Variants in EVI5L observed in about 807,000 individuals in gnomAD.
EVI5L encodes the protein EVI5-like protein.
A neutral mutation model predicts 106.1 loss-of-function variants in EVI5L; 30 were observed. The ratio of observed to expected loss-of-function variants is 0.28; its 90% confidence interval spans 0.21 to 0.38. The LOEUF (loss-of-function observed/expected upper bound fraction) is 0.38, where lower values mean the gene tolerates loss of function less well. Ranked by LOEUF, EVI5L falls within the 10% of genes least tolerant of loss-of-function variation. EVI5L has a pLI of 1.00. For missense variants in EVI5L, 809 were observed against 1,098.0 expected (o/e 0.74, Z 3.72); for synonymous variants, 489 against 483.3 (o/e 1.01, Z -0.15).
At chr19:7,846,755 C>A in intron 2 of EVI5L, 76 bp downstream of exon 2, 1 of 1,539,858 alleles carries the variant, frequency 6.5e-7, no homozygotes. Flanking sequence ...CAGGTGCCCT[C>A]ACATTCAGAG....
intron 8 of EVI5L, among the ~76,000 whole-genome samples, 183 bp downstream of exon 8, chr19:7,851,953 CT>C (rs987822648): frequency 6.6e-6 from 1 of 152,118 alleles, no homozygotes; most frequent in African/African-American, 2.4e-5. Context: ...AGAGGACCCC[CT>C]AGGCTCTGCC....
rs1979179491 is a variant in EVI5L at position 7,850,323 on chromosome 19, GC to G, written c.753+204del. On this transcript the variant is annotated intron_variant, in intron 6 of 19. Transcript: ENST00000538904. This position sits in a 1 kb window ranked among gnomAD's most constrained non-coding sequence, Gnocchi z 5.4. ...GGCACTCCTCTTTCCATGCAGCACT[GC>G]CCTGAAGGATGCTTGGAGGAACAGG... is the stretch of plus-strand genomic sequence containing the variant. Among the ~76,000 whole-genome samples, 2 of 152,176 alleles carry G rather than the reference GC, an allele frequency of 1.3e-5. 1 individual carries two copies. Among genetic ancestry groups the G allele is most frequent in the South Asian group, 4.1e-4 (2 of 4,834 alleles).
intron 14 of EVI5L, among the ~76,000 whole-genome samples, chr19:7,861,156 C>T (rs1178191011): frequency 1.3e-5 from 2 of 152,156 alleles, no homozygotes; most frequent in Non-Finnish European, 2.9e-5. Flanking sequence ...ACCCAGGGAC[C>T]CATTCACACA....
intron 1 of EVI5L, among the ~76,000 whole-genome samples, chr19:7,843,833 G>T (rs117476599): frequency 2.0e-5 from 3 of 152,026 alleles, no homozygotes; most frequent in Non-Finnish European, 4.4e-5. Context: ...TGTGTTGTGC[G>T]TGCACACACG....
intron 1 of EVI5L, among the ~76,000 whole-genome samples, chr19:7,842,932 T>C (rs1018177735): frequency 2.0e-5 from 3 of 148,512 alleles, no homozygotes; most frequent in African/African-American, 7.5e-5. Flanking sequence ...AGGTACCGGG[T>C]GTGCGTGTAT....
chr19:7,838,738 T>G (rs1978459275), intron 1 of EVI5L, among the ~76,000 whole-genome samples: 1 of 151,842 alleles, frequency 6.6e-6, no homozygotes, highest in East Asian at 1.9e-4. Flanking sequence ...GAATGTGCAT[T>G]GGGCTTGGGT....
chr19:7,839,654 T>C (rs1599561006), intron 1 of EVI5L, among the ~76,000 whole-genome samples: 1 of 151,876 alleles, frequency 6.6e-6, no homozygotes, highest in African/African-American at 2.4e-5. Flanking sequence ...TGGGGCACGG[T>C]GGCTCACACC....
rs1330983491 is a variant in EVI5L, at chr19:7,847,918, C to T, written c.324C>T (p.Leu108=). The T allele has an allele frequency of 1.3e-6, 2 of 1,546,460 alleles. No homozygotes were observed. Among genetic ancestry groups the T allele is most frequent in the Non-Finnish European group, 1.7e-6 (2 of 1,143,502 alleles). The change falls in exon 3 of 20, where the codon CTC becomes CTT. Residue 108 remains leucine, a synonymous_variant. Transcript: ENST00000538904. ...GGCGGCGCAGGAAGGAGAAGCTGCTCAAGGTGGGGGGCGGCCAGGCAGGCA... is the reference window on the plus strand; with the variant it reads ...GGCGGCGCAGGAAGGAGAAGCTGCTTAAGGTGGGGGGCGGCCAGGCAGGCA... ...EEWRRRKEKL[L]KELIRKGIPH...
chr19:7,846,796 C>T (rs1406939576), intron 2 of EVI5L, 117 bp downstream of exon 2: 6 of 1,345,738 alleles, frequency 4.5e-6, no homozygotes, highest in African/African-American at 2.9e-5. Flanking sequence ...GTGACAGCCA[C>T]CTCCAGATGC....
chr19:7,849,714 A>T lies in EVI5L; in HGVS notation c.628-283A>T, dbSNP rs577242717. ...CAGGGAGAGAGGACGCAGCTGGGAC[A>T]GGAGGTATCCTAACCAGGGGGATGC... On this transcript the variant is annotated intron_variant, in intron 5 of 19. Transcript: ENST00000538904. Among the ~76,000 whole-genome samples, 41 of 152,276 alleles carry T rather than the reference A, an allele frequency of 2.7e-4. No homozygotes were observed. The East Asian group carries it at 6.8e-3, about 25-fold the overall frequency.
intron 1 of EVI5L, among the ~76,000 whole-genome samples, chr19:7,840,936 C>T (rs1978572367): frequency 6.6e-6 from 1 of 152,124 alleles, no homozygotes; most frequent in Non-Finnish European, 1.5e-5. Flanking sequence ...CAGATGTTTG[C>T]CGTTCTCTTG....
chr19:7,849,358 C>T (rs1599569955), intron 5 of EVI5L, 28 bp downstream of exon 5: 1 of 1,612,768 alleles, frequency 6.2e-7, no homozygotes, highest in East Asian at 2.2e-5. Context: ...GGCTGGGCTC[C>T]TGCCAGACAA....
At chr19:7,851,622 G>A (rs1256559696) in intron 7 of EVI5L, 45 bp downstream of exon 7, 1 of 1,599,726 alleles carries the variant, frequency 6.3e-7, no homozygotes, top group Non-Finnish European at 8.5e-7. Context: ...CCCCTTGGGG[G>A]TGGTTGGAAC....
At chr19:7,830,551 C>T (rs1978290150) in intron 1 of EVI5L, among the ~76,000 whole-genome samples, 170 bp downstream of exon 1, 1 of 151,780 alleles carries the variant, frequency 6.6e-6, no homozygotes, top group East Asian at 2.0e-4. Context: ...GGCCCCTGCC[C>T]ACCCTCGTTG....
chr19:7,841,874 G>A (rs1424059853), intron 1 of EVI5L, among the ~76,000 whole-genome samples: 1 of 152,188 alleles, frequency 6.6e-6, no homozygotes, highest in Non-Finnish European at 1.5e-5. Context: ...GAGTGATTGA[G>A]CCAGTGAGGG....
intron 1 of EVI5L, among the ~76,000 whole-genome samples, chr19:7,844,757 C>T (rs376923885): frequency 3.9e-5 from 6 of 152,312 alleles, no homozygotes; most frequent in African/African-American, 1.4e-4. Flanking sequence ...AATCCAAAAC[C>T]CTCAGCACCC....
In EVI5L at chr19:7,835,714, C is replaced by T. The variant is rs777953853; in HGVS notation, c.-48+5333C>T. 2.8e-4 allele frequency among the ~76,000 whole-genome samples: 43 copies of T among 152,248 alleles called. No homozygotes were observed. Among genetic ancestry groups the T allele is most frequent in the South Asian group, 6.2e-4 (3 of 4,822 alleles). On this transcript the variant is annotated intron_variant, in intron 1 of 19. Transcript: ENST00000538904. This position sits in a 1 kb window ranked among gnomAD's most constrained non-coding sequence, Gnocchi z 4.1. Reference sequence around the variant, plus strand: ...CAGGCAGGGACCTCTGAATTCAAGCCGCTGTTCTTGTTATCCAAGGGGCAG... The same window carrying T: ...CAGGCAGGGACCTCTGAATTCAAGCTGCTGTTCTTGTTATCCAAGGGGCAG...
chr19:7,859,771 C>T (rs1979713621), intron 13 of EVI5L, among the ~76,000 whole-genome samples: 1 of 152,268 alleles, frequency 6.6e-6, no homozygotes, highest in Admixed American at 6.5e-5. Flanking sequence ...AGGCCACCTC[C>T]TCAGGCCCAA....
In EVI5L at chr19:7,862,324, G is replaced by C. The variant is rs1358445966; in HGVS notation, c.1800+47G>C. On this transcript the variant is annotated intron_variant, in intron 16 of 19. Coordinates refer to ENST00000538904, the MANE Select transcript of EVI5L (RefSeq NM_001159944.3). ...GTTGGGGAAGGGGCGTGGTGTCCGT[G>C]GCCAGCCCCTGAGTTAGGCCCTGAC... 5.7e-6 allele frequency: 9 copies of C among 1,583,000 alleles called. No homozygotes were observed. In the African/African-American group the frequency reaches 1.2e-4, roughly 21 times the overall value.
Sources: gnomAD v4.1 joint callset for allele counts (sites outside exome capture counted in the v4.1 genomes callset) on GRCh38, gnomAD v4.1.1 for gene constraint, Gnocchi (gnomAD v3.1) non-coding constraint, MANE v1.5 for transcripts, NCBI Gene and HGNC (gene_info 2026-07-23, HGNC 2026-07-21) for gene names.